LINGO2: variants seen among roughly 807,000 people sequenced by gnomAD.
LINGO2 encodes the protein leucine-rich repeat and immunoglobulin-like domain-containing nogo receptor-interacting protein 2.
A neutral mutation model predicts 30.6 loss-of-function variants in LINGO2; 14 were observed. The observed-to-expected ratio is 0.46, with a 90% CI of 0.30 to 0.72. The LOEUF is 0.72. Among genes scored for constraint, LINGO2 ranks in the 30% least tolerant of loss-of-function variants. LINGO2 has a pLI of 0.07. For missense variants in LINGO2, 729 were observed against 751.7 expected, an observed-to-expected ratio of 0.97 and a Z score of 0.35; for synonymous variants, 317 against 288.5, an observed-to-expected ratio of 1.10 and a Z score of -1.00.
At chr9:27,968,601 T>C (rs1403882196) in intron 5 of LINGO2, among the ~76,000 whole-genome samples, 1 of 152,000 alleles carries the variant, frequency 6.6e-6, no homozygotes, top group African/African-American at 2.4e-5. Flanking sequence ...TCTTCATTTT[T>C]TATTTAAAAA....
At chr9:28,641,409 C>T (rs1444298208) in intron 1 of LINGO2, among the ~76,000 whole-genome samples, 3 of 152,090 alleles carry the variant, frequency 2.0e-5, no homozygotes, top group Admixed American at 6.6e-5. Context: ...CTGTTAAAAG[C>T]CTGTACCACT....
intron 3 of LINGO2, among the ~76,000 whole-genome samples, chr9:28,355,863 CGTGA>C (rs1820189653): frequency 6.6e-6 from 1 of 152,116 alleles, no homozygotes; most frequent in South Asian, 2.1e-4. Context: ...TTGTTGCCAG[CGTGA>C]GTATCATCAT....
intron 4 of LINGO2, among the ~76,000 whole-genome samples, chr9:28,234,028 A>C (rs1245437310): frequency 4.6e-5 from 7 of 152,176 alleles, no homozygotes; most frequent in Admixed American, 4.6e-4. Context: ...CTATAGTGAA[A>C]GACTCCTTCT....
the LINGO2 span, among the ~76,000 whole-genome samples, chr9:28,830,475 G>C: frequency 1.3e-5 from 2 of 152,068 alleles, no homozygotes; most frequent in Admixed American, 1.3e-4. Flanking sequence ...AAATGGAAAT[G>C]AACAAGACTG....
intron 3 of LINGO2, among the ~76,000 whole-genome samples, chr9:28,305,299 T>C (rs1448226003): frequency 2.0e-5 from 3 of 152,012 alleles, no homozygotes; most frequent in African/African-American, 4.8e-5. Flanking sequence ...TGCTTTCTTA[T>C]TAAGATCAGG....
intron 4 of LINGO2, among the ~76,000 whole-genome samples, chr9:28,041,749 ATAT>A (rs1824205242): frequency 6.6e-6 from 1 of 152,220 alleles, no homozygotes; most frequent in Admixed American, 6.5e-5. Flanking sequence ...TGTTAGCGAC[ATAT>A]TATAATTTAC....
At chr9:28,506,022 C>G (rs1050753020) in intron 1 of LINGO2, among the ~76,000 whole-genome samples, 1 of 151,716 alleles carries the variant, frequency 6.6e-6, no homozygotes, top group African/African-American at 2.4e-5. Flanking sequence ...GTTGTACTGA[C>G]CCGTGGAAAA....
At chr9:28,739,482 T>C in the LINGO2 span, among the ~76,000 whole-genome samples, 198 of 151,962 alleles carry the variant, frequency 1.3e-3, 5 homozygotes, top group South Asian at 0.039. Context: ...GTGTAAACAT[T>C]TATTAAAACA....
At chr9:28,170,993 G>T (rs998867617) in intron 4 of LINGO2, among the ~76,000 whole-genome samples, 2 of 152,214 alleles carry the variant, frequency 1.3e-5, no homozygotes, top group Non-Finnish European at 2.9e-5. Context: ...GCCTATCACA[G>T]ATGGTTATGG....
intron 2 of LINGO2, among the ~76,000 whole-genome samples, chr9:28,470,907 C>A (rs932651834): frequency 6.8e-6 from 1 of 147,532 alleles, no homozygotes; most frequent in African/African-American, 2.5e-5. Flanking sequence ...ATATATGTAA[C>A]AAATATATAA....
the LINGO2 span, among the ~76,000 whole-genome samples, chr9:29,040,460 A>G: frequency 1.3e-5 from 2 of 151,938 alleles, no homozygotes; most frequent in Non-Finnish European, 2.9e-5. Flanking sequence ...GCATAATAGT[A>G]TACTATTTTT....
the LINGO2 span, among the ~76,000 whole-genome samples, chr9:28,809,670 C>T: frequency 9.0e-4 from 129 of 143,306 alleles, 1 homozygote; most frequent in Non-Finnish European, 2.7e-4. Context: ...TGCTTGAACC[C>T]GGGAGGCGGA....
At chr9:28,792,513 T>G in the LINGO2 span, among the ~76,000 whole-genome samples, 2 of 152,040 alleles carry the variant, frequency 1.3e-5, no homozygotes, top group Admixed American at 1.3e-4. Context: ...CGAAAGAGAA[T>G]GAAGATAAAG....
At chr9:27,950,546 G>A in exon 6 of LINGO2, 1 of 1,565,324 alleles carries the variant, frequency 6.4e-7, no homozygotes, top group Non-Finnish European at 8.7e-7. Flanking sequence ...TTCTGTGACA[G>A]CTAACAGATT....
chr9:28,483,796 A>G (rs1319194569), intron 1 of LINGO2, among the ~76,000 whole-genome samples: 1 of 152,066 alleles, frequency 6.6e-6, no homozygotes, highest in Non-Finnish European at 1.5e-5. Context: ...GCTGTAGTTC[A>G]TTAAATTATA....
the LINGO2 span, among the ~76,000 whole-genome samples, chr9:28,774,893 A>C: frequency 6.6e-6 from 1 of 152,200 alleles, no homozygotes; most frequent in African/African-American, 2.4e-5. Flanking sequence ...ACCAAAATGA[A>C]AGCGCTGGAC....
chr9:28,773,652 A>T, the LINGO2 span, among the ~76,000 whole-genome samples: 2 of 152,298 alleles, frequency 1.3e-5, no homozygotes, highest in African/African-American at 4.8e-5. Flanking sequence ...GTACAATACT[A>T]TTGATTATTC....
intron 4 of LINGO2, among the ~76,000 whole-genome samples, chr9:28,222,664 T>C (rs1255198806): frequency 6.6e-6 from 1 of 152,218 alleles, no homozygotes; most frequent in Admixed American, 6.5e-5. Context: ...TTTGGTTTAA[T>C]AACTATTTGG....
chr9:28,261,972 A>G (rs1308683924), intron 4 of LINGO2, among the ~76,000 whole-genome samples: 3 of 152,108 alleles, frequency 2.0e-5, no homozygotes, highest in African/African-American at 7.2e-5. Flanking sequence ...CTATTGAAAT[A>G]TGAACACTCT....
Sources: allele counts gnomAD v4.1 joint callset (sites outside exome capture counted in the v4.1 genomes callset), GRCh38; gene constraint gnomAD v4.1.1; transcripts MANE v1.5; gene names NCBI Gene and HGNC (gene_info 2026-07-23, HGNC 2026-07-21).